TLE4: variants seen among roughly 807,000 people sequenced by gnomAD.
TLE4 encodes transducin-like enhancer protein 4.
In TLE4, 8 loss-of-function variants were observed where a neutral mutation model predicts 92.8. The observed-to-expected ratio is 0.09, with a 90% confidence interval of 0.05 to 0.16. The LOEUF (loss-of-function observed/expected upper bound fraction) is 0.16. Among genes scored for constraint, TLE4 ranks in the 10% least tolerant of loss-of-function variants. The pLI, the probability that TLE4 is intolerant of heterozygous loss-of-function variation, is 1.00. For synonymous variants in TLE4, 371 were observed against 374.1 expected (o/e 0.99, Z 0.10); for missense variants, 675 against 997.6 (o/e 0.68, Z 4.36).
At chr9:79,635,872 G>T (rs1411490972) in intron 6 of TLE4, among the ~76,000 whole-genome samples, 2 of 152,030 alleles carry the variant, frequency 1.3e-5, no homozygotes, top group Non-Finnish European at 2.9e-5. Flanking sequence ...TTTATCATCA[G>T]TATACTAAAG....
At chr9:79,682,734 TG>T (rs764578974) in intron 8 of TLE4, among the ~76,000 whole-genome samples, 1 of 152,192 alleles carries the variant, frequency 6.6e-6, no homozygotes, top group Non-Finnish European at 1.5e-5. Context: ...TTTAAAATCA[TG>T]AGAATGAAAA....
chr9:79,705,274 A>T (rs2071205850), intron 9 of TLE4, among the ~76,000 whole-genome samples: 3 of 152,392 alleles, frequency 2.0e-5, no homozygotes, highest in Admixed American at 2.0e-4. Context: ...AGATGGATTC[A>T]TGTGCTGAAG....
intron 7 of TLE4, among the ~76,000 whole-genome samples, chr9:79,653,561 A>G (rs1036269637): frequency 1.3e-5 from 2 of 152,208 alleles, no homozygotes; most frequent in Admixed American, 1.3e-4. Context: ...CTCTCCCAGC[A>G]TTCCTTTTTG....
chr9:79,586,185 A>C (rs1016104520), intron 4 of TLE4, among the ~76,000 whole-genome samples: 1 of 152,094 alleles, frequency 6.6e-6, no homozygotes, highest in East Asian at 1.9e-4. Flanking sequence ...GTCCTGGCCA[A>C]TGTGGTGAAA....
intron 8 of TLE4, among the ~76,000 whole-genome samples, chr9:79,702,266 A>G (rs916563892): frequency 7.2e-5 from 11 of 152,172 alleles, no homozygotes; most frequent in African/African-American, 2.7e-4. Flanking sequence ...GAACAGTAGG[A>G]AACTGTCCTT....
intron 8 of TLE4, among the ~76,000 whole-genome samples, chr9:79,690,955 T>C (rs2066951029): frequency 6.6e-6 from 1 of 152,110 alleles, no homozygotes; most frequent in Non-Finnish European, 1.5e-5. Flanking sequence ...ATTTTTACAC[T>C]AAGAACCTGT....
chr9:79,655,896 T>C (rs1460241990), intron 8 of TLE4, among the ~76,000 whole-genome samples: 3 of 152,172 alleles, frequency 2.0e-5, no homozygotes, highest in African/African-American at 7.2e-5. Context: ...CAGTGTACAC[T>C]TTTGTGTCAA....
chr9:79,701,712 A>C (rs1462528525), intron 8 of TLE4, among the ~76,000 whole-genome samples: 1 of 152,200 alleles, frequency 6.6e-6, no homozygotes, highest in Non-Finnish European at 1.5e-5. Context: ...TCTCCCATGG[A>C]ATTGTTCATC....
intron 8 of TLE4, among the ~76,000 whole-genome samples, chr9:79,704,272 C>T (rs926268139): frequency 2.0e-5 from 3 of 152,104 alleles, no homozygotes; most frequent in Non-Finnish European, 4.4e-5. Flanking sequence ...CCACCATGCC[C>T]AGCTAATTTG....
chr9:79,597,008 C>A (rs2044199456), intron 4 of TLE4, among the ~76,000 whole-genome samples: 1 of 152,132 alleles, frequency 6.6e-6, no homozygotes, highest in South Asian at 2.1e-4. Context: ...GTCCCCTAAC[C>A]AAATCTTGAC....
chr9:79,590,112 G>A (rs116549590), intron 4 of TLE4, among the ~76,000 whole-genome samples: 2,706 of 152,232 alleles, frequency 0.018, 73 homozygotes, highest in African/African-American at 0.063. Context: ...GATTTTGCGG[G>A]GGACAGAGAA....
intron 4 of TLE4, among the ~76,000 whole-genome samples, chr9:79,590,991 C>T (rs375632708): frequency 6.6e-6 from 1 of 152,206 alleles, no homozygotes; most frequent in Non-Finnish European, 1.5e-5. Context: ...AGCCAGTAGT[C>T]CTGGTCACCT....
intron 5 of TLE4, among the ~76,000 whole-genome samples, chr9:79,623,230 T>C (rs571605515): frequency 1.3e-5 from 2 of 152,162 alleles, no homozygotes; most frequent in African/African-American, 4.8e-5. Flanking sequence ...AGGTGTACTA[T>C]AGCTTTTTAT....
chr9:79,708,532 A>G, intron 12 of TLE4, 61 bp from the exon 13 acceptor site: 3 of 1,467,418 alleles, frequency 2.0e-6, no homozygotes, highest in Non-Finnish European at 2.8e-6. Flanking sequence ...ACATGTTTAC[A>G]AATGTCTTCA....
intron 4 of TLE4, among the ~76,000 whole-genome samples, chr9:79,593,825 G>A (rs1297320596): frequency 6.6e-6 from 1 of 152,100 alleles, no homozygotes; most frequent in Non-Finnish European, 1.5e-5. Flanking sequence ...AAAAATTAAT[G>A]ATACAATGAA....
rs979164315 is a variant in TLE4, at chr9:79,628,876, G to A, written c.390+1428G>A. Among the ~76,000 whole-genome samples the A allele has an allele frequency of 3.0e-4, 7 of 23,352 alleles. No homozygotes were observed. In the East Asian group the frequency reaches 7.5e-3, roughly 25 times the overall value. The allele number at this position is 23,352 out of a possible 152,430, so 15.3% of individuals were successfully genotyped here. On this transcript the variant is annotated intron_variant, in intron 6 of 19. Transcript: ENST00000376552. The stretch of plus-strand genomic sequence containing the variant: ...GAAAGGTTTAATTTTAAAGTTAAGT[G>A]TGTGTGTGTGTGTGTGTGTGTGTGT...
chr9:79,681,725 C>A (rs2064646406), intron 8 of TLE4, among the ~76,000 whole-genome samples: 1 of 150,692 alleles, frequency 6.6e-6, no homozygotes, highest in Non-Finnish European at 1.5e-5. Context: ...GATTCCTTAA[C>A]TACTTCCTGG....
intron 6 of TLE4, 130 bp downstream of exon 6, chr9:79,627,578 T>C (rs141425220): frequency 3.2e-5 from 28 of 873,788 alleles, no homozygotes; most frequent in Non-Finnish European, 5.0e-5. Flanking sequence ...TTAAGCACTT[T>C]GCCTTCAATC....
chr9:79,627,825 C>A (rs1475071962), intron 6 of TLE4: 1 of 184,710 alleles, frequency 5.4e-6, no homozygotes, highest in Non-Finnish European at 1.1e-5. Context: ...TGTAGAGTAT[C>A]TTACTATCAT....
Sources: gnomAD v4.1 joint callset for allele counts (sites outside exome capture counted in the v4.1 genomes callset) on GRCh38, gnomAD v4.1.1 for gene constraint, MANE v1.5 for transcripts, NCBI Gene and HGNC (gene_info 2026-07-23, HGNC 2026-07-21) for gene names.